NKAIN3: variants seen among roughly 807,000 people sequenced by gnomAD.
NKAIN3 encodes the protein sodium/potassium transporting ATPase interacting 3.
Under a neutral mutation model 30.2 loss-of-function variants are expected in NKAIN3, and 25 were observed. The ratio of observed to expected loss-of-function variants is 0.83; its 90% CI spans 0.60 to 1.16. NKAIN3 has a LOEUF of 1.16. Among genes scored for constraint, NKAIN3 ranks in the 50% most tolerant of loss-of-function variants. NKAIN3 has a pLI of 0.00. For synonymous variants in NKAIN3, 91 were observed against 89.6 expected, an observed-to-expected ratio of 1.02 and a Z score of -0.09; for missense variants, 225 against 254.1, an observed-to-expected ratio of 0.89 and a Z score of 0.78.
At chr8:62,828,908 G>T (rs1819110447) in intron 4 of NKAIN3, among the ~76,000 whole-genome samples, 1 of 152,150 alleles carries the variant, frequency 6.6e-6, no homozygotes, top group African/African-American at 2.4e-5. Flanking sequence ...GCTGTTGGAA[G>T]TAACTATCTA....
At chr8:62,510,188 A>G (rs897094161) in intron 1 of NKAIN3, among the ~76,000 whole-genome samples, 3 of 152,182 alleles carry the variant, frequency 2.0e-5, no homozygotes, top group Non-Finnish European at 4.4e-5. Flanking sequence ...GAGTTTGTAT[A>G]AAGAACAGTG....
intron 6 of NKAIN3, 76 bp from the exon 7 acceptor site, chr8:62,965,278 A>G (rs1823677939): frequency 1.0e-6 from 1 of 985,302 alleles, no homozygotes; most frequent in Non-Finnish European, 1.2e-6. Flanking sequence ...GCATTTCAAA[A>G]GGCCTCAATG....
chr8:62,310,545 C>T (rs996450635), intron 1 of NKAIN3, among the ~76,000 whole-genome samples: 1 of 150,548 alleles, frequency 6.6e-6, no homozygotes, highest in Non-Finnish European at 1.5e-5. Context: ...TGCTAGGATA[C>T]ATGGGACTTT....
intron 4 of NKAIN3, among the ~76,000 whole-genome samples, chr8:62,790,777 A>G (rs1817682687): frequency 6.6e-6 from 1 of 152,072 alleles, no homozygotes; most frequent in Non-Finnish European, 1.5e-5. Context: ...GGCAAGTAAT[A>G]ACAACTCTGA....
intron 5 of NKAIN3, among the ~76,000 whole-genome samples, chr8:62,942,576 C>A (rs1437318265): frequency 8.7e-5 from 13 of 150,070 alleles, no homozygotes; most frequent in Admixed American, 2.0e-4. Context: ...ATAGCCAAGT[C>A]AGACTAAGCA....
rs191544275 is a variant in NKAIN3, at chr8:62,442,228, C to T, written c.55-137311C>T. On this transcript the variant is annotated intron_variant, in intron 1 of 6. Transcript: ENST00000623646. ...GAATTCTTTGTAAAACTATCAGAGC[C>T]TTGTACTATTTTGGTGGAAAGGAAT... Among the ~76,000 whole-genome samples, 4 of 151,824 alleles carry T rather than the reference C, an allele frequency of 2.6e-5. No individual in the cohort carries two copies. In the East Asian group the frequency reaches 7.8e-4, roughly 29 times the overall value.
intron 4 of NKAIN3, among the ~76,000 whole-genome samples, chr8:62,882,400 C>T (rs1470396758): frequency 6.6e-6 from 1 of 152,122 alleles, no homozygotes; most frequent in Non-Finnish European, 1.5e-5. Flanking sequence ...CTCAATGCAA[C>T]CTCCGCCTCC....
chr8:62,828,179 CT>C (rs1382920409), intron 4 of NKAIN3, among the ~76,000 whole-genome samples: 3 of 152,024 alleles, frequency 2.0e-5, no homozygotes, highest in African/African-American at 7.2e-5. Context: ...TGTTGTTCCA[CT>C]TTTTTTCACA....
chr8:62,871,402 C>CAAA (rs35286231), intron 4 of NKAIN3, among the ~76,000 whole-genome samples: 1 of 34,210 alleles, frequency 2.9e-5, no homozygotes, highest in African/African-American at 1.3e-4. Context: ...GACTCTGTCT[C>CAAA]AAAAAAAAAA....
At chr8:62,683,106 T>C (rs942649896) in intron 3 of NKAIN3, among the ~76,000 whole-genome samples, 14 of 152,180 alleles carry the variant, frequency 9.2e-5, no homozygotes, top group African/African-American at 3.4e-4. Context: ...CGATCTCTGC[T>C]CACTGCAAGC....
chr8:62,665,933 C>T (rs764266347), intron 3 of NKAIN3, among the ~76,000 whole-genome samples: 5 of 152,080 alleles, frequency 3.3e-5, no homozygotes, highest in African/African-American at 4.8e-5. Context: ...TATCAGAATT[C>T]GGCTGGGCAC....
chr8:62,650,112 T>C (rs1812581052), intron 3 of NKAIN3, among the ~76,000 whole-genome samples: 2 of 152,102 alleles, frequency 1.3e-5, no homozygotes. Context: ...TTGGTCCTTC[T>C]CTTCTGGTGA....
At chr8:62,571,920 G>A (rs181286959) in intron 1 of NKAIN3, among the ~76,000 whole-genome samples, 2 of 152,094 alleles carry the variant, frequency 1.3e-5, no homozygotes, top group Non-Finnish European at 2.9e-5. Context: ...AGGCCTCCAG[G>A]CCTGTGATTG....
At chr8:62,617,224 T>C (rs1811483978) in intron 3 of NKAIN3, among the ~76,000 whole-genome samples, 1 of 152,178 alleles carries the variant, frequency 6.6e-6, no homozygotes, top group African/African-American at 2.4e-5. Flanking sequence ...CAGATATTTC[T>C]TTATAGCAAT....
chr8:62,642,315 G>A (rs146178783), intron 3 of NKAIN3, among the ~76,000 whole-genome samples: 4 of 151,994 alleles, frequency 2.6e-5, no homozygotes, highest in Admixed American at 6.6e-5. Flanking sequence ...TCAACAAAAC[G>A]TATACCCATA....
intron 3 of NKAIN3, among the ~76,000 whole-genome samples, chr8:62,639,970 G>A (rs1401925864): frequency 6.6e-6 from 1 of 152,058 alleles, no homozygotes; most frequent in Admixed American, 6.6e-5. Context: ...TTTACCAAAT[G>A]TCCATTCAAA....
chr8:62,826,589 G>A (rs552089562), intron 4 of NKAIN3, among the ~76,000 whole-genome samples: 9 of 152,214 alleles, frequency 5.9e-5, no homozygotes, highest in East Asian at 3.9e-4. Context: ...ATGGATGAAC[G>A]TAGAGAAATT....
chr8:62,966,298 G>A lies in NKAIN3; in HGVS notation c.*891G>A, dbSNP rs543839918. The A allele has an allele frequency of 1.8e-5, 18 of 984,742 alleles. No individual in the cohort carries two copies. Among genetic ancestry groups the A allele is most frequent in the Non-Finnish European group, 2.0e-5 (17 of 829,494 alleles). The allele number at this position is 984,742 out of a possible 1,614,324, so 61.0% of individuals were successfully genotyped here. The stretch of plus-strand genomic sequence containing the variant: ...AGCATTCTCTATAAATACTTCTAAA[G>A]GAGACATTCACGTGTGAGCAACATC... On this transcript the variant is annotated 3_prime_UTR_variant, in exon 7 of 7. Coordinates refer to ENST00000623646, the MANE Select transcript of NKAIN3 (RefSeq NM_001304533.3).
intron 1 of NKAIN3, among the ~76,000 whole-genome samples, chr8:62,317,667 T>C (rs1359219350): frequency 6.6e-6 from 1 of 152,250 alleles, no homozygotes; most frequent in Non-Finnish European, 1.5e-5. Context: ...CATGCTGTTT[T>C]GGTTACTGTA....
Sources: gnomAD v4.1 joint callset for allele counts (sites outside exome capture counted in the v4.1 genomes callset) on GRCh38, gnomAD v4.1.1 for gene constraint, MANE v1.5 for transcripts, NCBI Gene and HGNC (gene_info 2026-07-23, HGNC 2026-07-21) for gene names.